KIF16B: variants seen among roughly 807,000 people sequenced by gnomAD.
The protein encoded by KIF16B is kinesin-like protein KIF16B.
Under a neutral mutation model 156.3 loss-of-function variants are expected in KIF16B, and 98 were observed. That is an observed-to-expected ratio of 0.63 (90% CI 0.53 to 0.74). KIF16B has a LOEUF of 0.74. KIF16B is among the 30% of genes least tolerant of loss of function. KIF16B has a pLI of 0.00. For synonymous variants in KIF16B, 564 were observed against 583.7 expected (o/e 0.97, Z 0.49); for missense variants, 1,421 against 1,606.5 (o/e 0.88, Z 1.97).
chr20:16,536,891 T>C (rs1356475818), intron 1 of KIF16B, among the ~76,000 whole-genome samples: 3 of 152,092 alleles, frequency 2.0e-5, no homozygotes, highest in African/African-American at 4.8e-5. Flanking sequence ...TTAACTGTCA[T>C]AGGTGACTTC....
chr20:16,555,902 T>C (rs1014236503), intron 1 of KIF16B, among the ~76,000 whole-genome samples: 2 of 152,250 alleles, frequency 1.3e-5, no homozygotes, highest in Non-Finnish European at 2.9e-5. Context: ...TTCTACTGAC[T>C]CATTAATTCA....
At position 16,511,570 on chromosome 20, in the gene KIF16B, G is replaced by C. The variant is rs370184111; in HGVS notation, c.447-43C>G. Reference sequence around the variant, plus strand: ...AATTGAATTCAGAAAAATGATTTCAGACATTAATATCAGTAACAACACATA... The same window carrying C: ...AATTGAATTCAGAAAAATGATTTCACACATTAATATCAGTAACAACACATA... On this transcript the variant is annotated intron_variant, in intron 5 of 25. Transcript: ENST00000354981. 1.6e-4 allele frequency: 206 copies of C among 1,287,638 alleles called. 1 individual carries two copies. The highest frequency in any genetic ancestry group is 1.0e-5 in the Non-Finnish European group (9 of 892,368). 79.8% of individuals were successfully genotyped at this position (1,287,638 alleles called of 1,614,324 possible). A position where few individuals can be genotyped will look rare whatever the true frequency, so the allele number is the denominator to read the frequency against.
intron 23 of KIF16B, among the ~76,000 whole-genome samples, chr20:16,350,493 A>G (rs1238317229): frequency 6.6e-6 from 1 of 152,082 alleles, no homozygotes; most frequent in East Asian, 1.9e-4. Context: ...CAGAGCCAGG[A>G]CATGGGTATA....
intron 10 of KIF16B, among the ~76,000 whole-genome samples, chr20:16,501,884 G>A (rs1334564740): frequency 1.3e-5 from 2 of 152,112 alleles, no homozygotes; most frequent in Non-Finnish European, 2.9e-5. Flanking sequence ...AAGGATTAAG[G>A]GGGGCTTCAA....
At position 16,514,029 on chromosome 20, in the gene KIF16B, T is replaced by A. The variant is rs1324061527; in HGVS notation, c.349-1106A>T. On this transcript the variant is annotated intron_variant, in intron 4 of 25. Coordinates refer to ENST00000354981, the MANE Select transcript of KIF16B (RefSeq NM_024704.5). ...CTAATTCTTAACAAGGAAAAATGAG[T>A]CTTACGTCGTATTTTTGGTTCTTAC... Among the ~76,000 whole-genome samples, 5 of 152,302 alleles carry A rather than the reference T, an allele frequency of 3.3e-5. No homozygotes were observed. The East Asian group carries it at 9.7e-4, about 29-fold the overall frequency.
chr20:16,360,386 A>G (rs1451929364), intron 22 of KIF16B, among the ~76,000 whole-genome samples: 14 of 152,114 alleles, frequency 9.2e-5, no homozygotes, highest in Non-Finnish European at 2.9e-5. Context: ...GAGCTTTTAT[A>G]TTTCGATGGC....
In KIF16B at chr20:16,378,928, AGGGTG is replaced by A; in HGVS notation, c.3069_3073del (p.Thr1024GlyfsTer5). ...CCTCTGCTCTTCAATCTCCATGCCC[AGGGTG>A]GAGTGCCTCTGCAGCGCAGAATGTC... is the stretch of plus-strand genomic sequence containing the variant. On this transcript the variant is annotated frameshift_variant, in exon 19 of 26. Coordinates refer to ENST00000354981, the MANE Select transcript of KIF16B (RefSeq NM_024704.5). LOFTEE classifies it high-confidence loss of function. 1 of 1,614,122 alleles carries A rather than the reference AGGGTG, an allele frequency of 6.2e-7. No homozygotes were observed. The highest frequency in any genetic ancestry group is 1.3e-5 in the African/African-American group (1 of 75,052).
At chr20:16,315,225 C>A (rs1375121691) in intron 24 of KIF16B, among the ~76,000 whole-genome samples, 1 of 152,140 alleles carries the variant, frequency 6.6e-6, no homozygotes, top group African/African-American at 2.4e-5. Flanking sequence ...TAATATTCAG[C>A]CTGTGAAATA....
chr20:16,389,682 T>C (rs986325361), intron 17 of KIF16B, among the ~76,000 whole-genome samples: 7 of 152,180 alleles, frequency 4.6e-5, no homozygotes, highest in African/African-American at 1.7e-4. Context: ...TGAAGGGGTT[T>C]GTGCTTGTCC....
intron 5 of KIF16B, among the ~76,000 whole-genome samples, chr20:16,512,566 G>A (rs539852330): frequency 1.9e-4 from 29 of 152,306 alleles, no homozygotes; most frequent in African/African-American, 5.5e-4. Flanking sequence ...CTCCATTTGA[G>A]ATGAACATCC....
intron 20 of KIF16B, among the ~76,000 whole-genome samples, chr20:16,372,184 A>G (rs1326022537): frequency 6.6e-6 from 1 of 152,208 alleles, no homozygotes; most frequent in Non-Finnish European, 1.5e-5. Flanking sequence ...TATTTCTCAC[A>G]TCTCAAGGTC....
chr20:16,555,924 T>C (rs757115232), intron 1 of KIF16B, among the ~76,000 whole-genome samples: 2 of 152,180 alleles, frequency 1.3e-5, no homozygotes, highest in Non-Finnish European at 2.9e-5. Context: ...TTATTAGTCA[T>C]TAGAAAGGGC....
chr20:16,378,741 G>T, intron 19 of KIF16B, 64 bp downstream of exon 19: 3 of 1,430,860 alleles, frequency 2.1e-6, no homozygotes, highest in Non-Finnish European at 2.8e-6. Flanking sequence ...CACAACATGA[G>T]GAGTGAAAAA....
At chr20:16,482,957 C>A (rs1232315228) in intron 12 of KIF16B, among the ~76,000 whole-genome samples, 1 of 152,124 alleles carries the variant, frequency 6.6e-6, no homozygotes, top group Non-Finnish European at 1.5e-5. Context: ...ATCAGGGTAA[C>A]CTATCCCTTA....
intron 12 of KIF16B, among the ~76,000 whole-genome samples, chr20:16,440,549 A>G (rs1054301327): frequency 1.2e-3 from 112 of 92,452 alleles, no homozygotes; most frequent in East Asian, 2.9e-3. Flanking sequence ...ACACACACAC[A>G]CACACACACA....
chr20:16,315,665 C>T (rs1475257362), intron 24 of KIF16B, among the ~76,000 whole-genome samples: 1 of 152,146 alleles, frequency 6.6e-6, no homozygotes, highest in African/African-American at 2.4e-5. Context: ...CAGTGGAGAA[C>T]AGCAGGAAGC....
chr20:16,308,354 G>C (rs2180445), intron 25 of KIF16B, among the ~76,000 whole-genome samples: 7 of 152,072 alleles, frequency 4.6e-5, no homozygotes, highest in Admixed American at 4.6e-4. Flanking sequence ...CTGAATAACT[G>C]GAATGGCATT....
At chr20:16,465,370 C>T (rs555648804) in intron 12 of KIF16B, among the ~76,000 whole-genome samples, 8 of 152,306 alleles carry the variant, frequency 5.3e-5, no homozygotes, top group African/African-American at 1.9e-4. Context: ...CTCTCAAGTC[C>T]TTGGAGATGG....
chr20:16,515,934 G>C (rs2069130750), intron 3 of KIF16B, among the ~76,000 whole-genome samples: 1 of 152,132 alleles, frequency 6.6e-6, no homozygotes, highest in Non-Finnish European at 1.5e-5. Context: ...TGTAAACAAG[G>C]CAAAGTGAAA....
Sources: allele counts gnomAD v4.1 joint callset (sites outside exome capture counted in the v4.1 genomes callset), GRCh38; gene constraint gnomAD v4.1.1; transcripts MANE v1.5; gene names NCBI Gene and HGNC (gene_info 2026-07-23, HGNC 2026-07-21).